EIF2S2: variants seen among roughly 807,000 people sequenced by gnomAD.
EIF2S2 encodes the protein eukaryotic translation initiation factor 2 subunit beta, also known as eukaryotic translation initiation factor 2 subunit 2.
In EIF2S2, 4 loss-of-function variants were observed where a neutral mutation model predicts 44.0. The observed-to-expected ratio is 0.09, with a 90% CI of 0.04 to 0.21. The LOEUF is 0.21. EIF2S2 is among the 10% of genes least tolerant of loss of function. The pLI is 1.00. For missense variants in EIF2S2, 154 were observed against 392.0 expected (o/e 0.39, Z 5.13); for synonymous variants, 108 against 128.3 (o/e 0.84, Z 1.07).
intron 4 of EIF2S2, 64 bp from the exon 5 acceptor site, chr20:34,097,580 G>T: frequency 1.5e-6 from 2 of 1,344,882 alleles, no homozygotes; most frequent in Non-Finnish European, 1.0e-6. Flanking sequence ...AGTGGGGTGG[G>T]TCTAGAGAAA....
At chr20:34,111,014 CACA>C (rs1312902483) in intron 1 of EIF2S2, among the ~76,000 whole-genome samples, 3 of 152,130 alleles carry the variant, frequency 2.0e-5, no homozygotes, top group African/African-American at 7.2e-5. Flanking sequence ...CTAAAATGGG[CACA>C]ACAATAGACC....
intron 2 of EIF2S2, among the ~76,000 whole-genome samples, chr20:34,105,049 T>C (rs1338553170): frequency 2.0e-5 from 3 of 152,190 alleles, no homozygotes; most frequent in Admixed American, 1.3e-4. Context: ...AAACTGCCTA[T>C]CTTAGTACCA....
At chr20:34,103,626 C>T in intron 2 of EIF2S2, 61 bp from the exon 3 acceptor site, 1 of 1,446,246 alleles carries the variant, frequency 6.9e-7, no homozygotes, top group East Asian at 2.7e-5. Flanking sequence ...TTATGAGTTA[C>T]ACAAACATAG....
At chr20:34,112,044 G>A (rs1222882300) in intron 1 of EIF2S2, 52 bp downstream of exon 1, 50 of 1,443,810 alleles carry the variant, frequency 3.5e-5, no homozygotes, top group Non-Finnish European at 2.8e-6. Context: ...ACTGGAGTGG[G>A]TTAGGCTTCT....
chr20:34,090,173 A>G (rs1239799279), intron 8 of EIF2S2, among the ~76,000 whole-genome samples: 7 of 152,242 alleles, frequency 4.6e-5, no homozygotes, highest in Non-Finnish European at 1.0e-4. Context: ...TGTCTAGAGG[A>G]GAGCCACTCA....
rs2034258197 is a variant in EIF2S2 at position 34,098,505 on chromosome 20, T to C, written c.426A>G (p.Lys142=). ...KFPDEDEILE[K]DEALEDEDNK... is the part of the protein sequence containing the mutation. ...CTGAGTCCTCAGCATTACCTTCATCTTTCTCTAGTATTTCATCCTCATCTG... is the reference window on the plus strand; with the variant it reads ...CTGAGTCCTCAGCATTACCTTCATCCTTCTCTAGTATTTCATCCTCATCTG... The change falls in exon 4 of 9, where the codon AAA becomes AAG. Residue 142 remains lysine (K), a synonymous_variant. Transcript: ENST00000374980. 3 of 1,613,322 alleles carry C rather than the reference T, an allele frequency of 1.9e-6. No homozygotes were observed. The highest frequency in any genetic ancestry group is 2.2e-5 in the East Asian group (1 of 44,874).
At chr20:34,109,682 A>C (rs1307051636) in intron 1 of EIF2S2, among the ~76,000 whole-genome samples, 1 of 152,064 alleles carries the variant, frequency 6.6e-6, no homozygotes, top group Non-Finnish European at 1.5e-5. Flanking sequence ...AACAACAAAA[A>C]CAAACAAAAA....
rs750595484 is a variant in EIF2S2, at chr20:34,096,305, A to T, written c.683+352T>A. Among the ~76,000 whole-genome samples the T allele has an allele frequency of 3.5e-3, 538 of 151,860 alleles. 3 individuals are homozygous for T. Among genetic ancestry groups the T allele is most frequent in the African/African-American group, 0.01 (419 of 41,404 alleles). On this transcript the variant is annotated intron_variant, in intron 6 of 8. Coordinates refer to ENST00000374980, the MANE Select transcript of EIF2S2 (RefSeq NM_003908.5). ...CACGTTTCTACAAAAAAAAAAAAAA[A>T]TTTTTTTAAATTGGTCGGGCATGGT... is the stretch of plus-strand genomic sequence containing the variant.
Position 34,103,472 on chromosome 20 carries a change from T to C in EIF2S2, c.287A>G (p.Glu96Gly). The C allele has an allele frequency of 6.4e-7, 1 of 1,558,372 alleles. No homozygotes were observed. Among genetic ancestry groups the C allele is most frequent in the Non-Finnish European group, 8.7e-7 (1 of 1,148,424 alleles). Residue 96 changes from glutamate (E) to glycine (G), a missense_variant, in exon 3 of 9, where the codon GAA (glutamate) becomes GGA (glycine). Coordinates refer to ENST00000374980, the MANE Select transcript of EIF2S2 (RefSeq NM_003908.5). ...AGAAAGCAATACTACCTTTACACCT[T>C]CTTCAGCTTCATCAATATCAAATAT... ...KKIFDIDEAE[E>G]GVKDLKIESD...
At chr20:34,093,010 GATTA>G (rs755004058) in intron 7 of EIF2S2, among the ~76,000 whole-genome samples, 7 of 152,196 alleles carry the variant, frequency 4.6e-5, no homozygotes, top group African/African-American at 9.7e-5. Flanking sequence ...CTATTGTGAA[GATTA>G]ATTGAGATGG....
rs74382556 is a variant in EIF2S2 at position 34,105,635 on chromosome 20, C to T, written c.16-90G>A. ...ATATGCTTTATCCTCAAAAGGCATA[C>T]TCTTAAAAGAGTATGTGATACATTA... On this transcript the variant is annotated intron_variant, in intron 1 of 8. Transcript: ENST00000374980. 1.5e-4 allele frequency: 190 copies of T among 1,245,236 alleles called. No homozygotes were observed. In the African/African-American group the frequency reaches 2.4e-3, roughly 15 times the overall value. The allele number at this position is 1,245,236 out of a possible 1,614,324, so 77.1% of individuals were successfully genotyped here. A position where few individuals can be genotyped will look rare whatever the true frequency, so the allele number is the denominator to read the frequency against.
intron 2 of EIF2S2, among the ~76,000 whole-genome samples, chr20:34,104,591 G>C (rs2034327654): frequency 6.6e-6 from 1 of 152,170 alleles, no homozygotes; most frequent in South Asian, 2.1e-4. Context: ...TTAAAATACA[G>C]CTGTGCAGTA....
intron 6 of EIF2S2, among the ~76,000 whole-genome samples, chr20:34,094,921 T>G (rs2034209540): frequency 6.6e-6 from 1 of 152,194 alleles, no homozygotes; most frequent in South Asian, 2.1e-4. Flanking sequence ...AGCTCCTACA[T>G]TGCTAGCGGG....
intron 1 of EIF2S2, among the ~76,000 whole-genome samples, chr20:34,109,749 T>C (rs1216672519): frequency 6.6e-6 from 1 of 151,836 alleles, no homozygotes; most frequent in African/African-American, 2.4e-5. Context: ...TCTGGCTTAA[T>C]TACCAGGTTT....
chr20:34,097,516 G>A lies in EIF2S2; in HGVS notation c.434C>T (p.Ala145Val), dbSNP rs1568714474. 3 of 1,611,814 alleles carry A rather than the reference G, an allele frequency of 1.9e-6. No homozygotes were observed. The highest frequency in any genetic ancestry group is 2.2e-5 in the East Asian group (1 of 44,874). The change falls in exon 5 of 9, where the codon GCT (alanine) becomes GTT (valine). Residue 145 changes from alanine (A) to valine (V), a missense_variant and splice_region_variant. Coordinates refer to ENST00000374980, the MANE Select transcript of EIF2S2 (RefSeq NM_003908.5). ...DEDEILEKDE[A>V]LEDEDNKKDD... is the part of the protein sequence containing the mutation. ...TTTTTTGTTGTCTTCATCTTCTAGA[G>A]CTACAGATAAAAAAGATTTTAAGAA...
chr20:34,112,152 C>A lies in EIF2S2; in HGVS notation c.-42G>T. 1 of 1,527,910 alleles carries A rather than the reference C, an allele frequency of 6.5e-7. No individual in the cohort carries two copies. The allele number at this position is 1,527,910 out of a possible 1,614,324, so 94.6% of individuals were successfully genotyped here. ...GGCTCGGCACGGACGGGAAGTCAGA[C>A]GGGTCAGCCCCAGGCCCCGGCGGCA... On this transcript the variant is annotated 5_prime_UTR_variant, in exon 1 of 9. Coordinates refer to ENST00000374980, the MANE Select transcript of EIF2S2 (RefSeq NM_003908.5).
intron 1 of EIF2S2, chr20:34,108,416 C>T (rs983394936): frequency 6.6e-6 from 1 of 152,110 alleles, no homozygotes; most frequent in Admixed American, 6.5e-5. Flanking sequence ...AAATAAGGAC[C>T]AGGGATCCCG....
intron 7 of EIF2S2, among the ~76,000 whole-genome samples, chr20:34,091,732 AAC>A (rs1221450990): frequency 1.5e-5 from 2 of 132,430 alleles, no homozygotes; most frequent in African/African-American, 5.4e-5. Context: ...AAAAAAAAAA[AAC>A]CCCATTGGAT....
At chr20:34,103,356 T>C in intron 3 of EIF2S2, 106 bp downstream of exon 3, 1 of 1,412,592 alleles carries the variant, frequency 7.1e-7, no homozygotes, top group Non-Finnish European at 9.4e-7. Flanking sequence ...TAAGTGCTAA[T>C]AACAAAAGCA....
Sources: allele counts gnomAD v4.1 joint callset (sites outside exome capture counted in the v4.1 genomes callset), GRCh38; gene constraint gnomAD v4.1.1; transcripts MANE v1.5; gene names NCBI Gene and HGNC (gene_info 2026-07-23, HGNC 2026-07-21).